The following PCDH9 variants were observed in gnomAD, a reference collection of about 807,000 sequenced individuals.
The protein encoded by PCDH9 is protocadherin 9, also known as protocadherin-9.
PCDH9 carries 24 observed loss-of-function variants against 70.6 expected under a neutral mutation model. The observed-to-expected ratio is 0.34, with a 90% CI of 0.25 to 0.48. The LOEUF is 0.48. Ranked by LOEUF, PCDH9 falls within the 20% of genes least tolerant of loss-of-function variation. The probability of loss-of-function intolerance (pLI) is 0.99; values close to 1 mark genes in which losing one functional copy is unlikely to be tolerated. For synonymous variants in PCDH9, 562 were observed against 558.5 expected (o/e 1.01, Z -0.09); for missense variants, 1,281 against 1,503.6 (o/e 0.85, Z 2.45).
At chr13:67,186,309 G>C (rs538527184) in intron 2 of PCDH9, among the ~76,000 whole-genome samples, 2 of 152,202 alleles carry the variant, frequency 1.3e-5, no homozygotes, top group South Asian at 2.1e-4. Context: ...TGAATTGATT[G>C]TTTTATGTAC....
At chr13:66,576,370 T>A (rs2076815483) in intron 4 of PCDH9, among the ~76,000 whole-genome samples, 1 of 152,060 alleles carries the variant, frequency 6.6e-6, no homozygotes, top group African/African-American at 2.4e-5. Flanking sequence ...ATGTCCATAA[T>A]CGTAGCAATG....
intron 3 of PCDH9, among the ~76,000 whole-genome samples, chr13:66,756,337 A>T (rs2079537859): frequency 6.6e-6 from 1 of 152,198 alleles, no homozygotes; most frequent in African/African-American, 2.4e-5. Flanking sequence ...TTGTAAACTG[A>T]GTTAATTTAT....
chr13:67,197,087 T>C (rs2089085210), intron 2 of PCDH9, among the ~76,000 whole-genome samples: 1 of 141,716 alleles, frequency 7.1e-6, no homozygotes, highest in Admixed American at 7.2e-5. Context: ...GGACAAAATA[T>C]AGAAAAAAAA....
chr13:66,751,001 T>G (rs1294598920), intron 3 of PCDH9, among the ~76,000 whole-genome samples: 1 of 152,182 alleles, frequency 6.6e-6, no homozygotes, highest in African/African-American at 2.4e-5. Flanking sequence ...GCCATTTTAA[T>G]TTGTATTAAA....
chr13:66,401,613 A>G (rs1426705096), intron 4 of PCDH9, among the ~76,000 whole-genome samples: 1 of 152,134 alleles, frequency 6.6e-6, no homozygotes, highest in African/African-American at 2.4e-5. Context: ...TAAAATGAAA[A>G]CTGGCCCTCA....
chr13:67,134,884 A>C, intron 2 of PCDH9, among the ~76,000 whole-genome samples: 1 of 152,130 alleles, frequency 6.6e-6, no homozygotes, highest in East Asian at 1.9e-4. Context: ...TTATTTAAAA[A>C]GATAAAGTCA....
At chr13:66,727,152 T>C (rs2079016107) in intron 3 of PCDH9, among the ~76,000 whole-genome samples, 1 of 152,010 alleles carries the variant, frequency 6.6e-6, no homozygotes, top group Admixed American at 6.6e-5. Context: ...CCTGTAGTCC[T>C]AGCTACTTGG....
intron 2 of PCDH9, among the ~76,000 whole-genome samples, chr13:66,974,864 G>A (rs1475046537): frequency 2.0e-5 from 3 of 151,982 alleles, no homozygotes; most frequent in South Asian, 2.1e-4. Flanking sequence ...CATGCAGTAC[G>A]ATATGAACTA....
chr13:66,371,965 T>G (rs1956663301), intron 4 of PCDH9, among the ~76,000 whole-genome samples: 1 of 152,050 alleles, frequency 6.6e-6, no homozygotes. Flanking sequence ...GCTTTCTCCT[T>G]GTTTTTTCTC....
intron 4 of PCDH9, among the ~76,000 whole-genome samples, chr13:66,546,942 G>A (rs1476406050): frequency 6.6e-6 from 1 of 152,156 alleles, no homozygotes; most frequent in Non-Finnish European, 1.5e-5. Flanking sequence ...ATTAGGCTAT[G>A]CCATACAGCT....
intron 4 of PCDH9, among the ~76,000 whole-genome samples, chr13:66,463,215 T>G (rs1566345263): frequency 6.6e-6 from 1 of 151,772 alleles, no homozygotes; most frequent in Non-Finnish European, 1.5e-5. Context: ...TCTGGGAGAA[T>G]TCAATGAGAT....
At chr13:67,111,294 T>C (rs1021323688) in intron 2 of PCDH9, among the ~76,000 whole-genome samples, 4 of 152,200 alleles carry the variant, frequency 2.6e-5, no homozygotes, top group Non-Finnish European at 4.4e-5. Context: ...ATATAGTCGT[T>C]ATCATTCTGA....
intron 4 of PCDH9, among the ~76,000 whole-genome samples, chr13:66,525,166 C>T (rs1297360198): frequency 6.6e-6 from 1 of 152,072 alleles, no homozygotes; most frequent in African/African-American, 2.4e-5. Context: ...TCTACAACGG[C>T]AATTTTACAA....
At chr13:66,974,642 G>A (rs1393933474) in intron 2 of PCDH9, among the ~76,000 whole-genome samples, 1 of 151,972 alleles carries the variant, frequency 6.6e-6, no homozygotes, top group African/African-American at 2.4e-5. Context: ...CAAATTGTTT[G>A]TGACCTACTC....
intron 3 of PCDH9, among the ~76,000 whole-genome samples, chr13:66,856,043 T>G (rs1004937880): frequency 6.6e-6 from 1 of 152,106 alleles, no homozygotes; most frequent in South Asian, 2.1e-4. Context: ...GAATACACTA[T>G]AGGTATAGGT....
At chr13:66,769,587 T>C (rs1273042843) in intron 3 of PCDH9, among the ~76,000 whole-genome samples, 1 of 152,126 alleles carries the variant, frequency 6.6e-6, no homozygotes, top group Non-Finnish European at 1.5e-5. Context: ...TATTAAAAGT[T>C]GACATGTAGA....
rs939206644 is a variant in PCDH9, at chr13:67,189,091, C to G, written c.3036+36314G>C. 5.3e-5 allele frequency among the ~76,000 whole-genome samples: 8 copies of G among 151,730 alleles called. No individual in the cohort carries two copies. In the East Asian group the frequency reaches 1.4e-3, roughly 26 times the overall value. On this transcript the variant is annotated intron_variant, in intron 2 of 4. Transcript: ENST00000377865. ...TCACTTAGAATAATAGTCTCCAATC[C>G]CATCCAGGTTGCTGAGAATGCCGTT...
intron 3 of PCDH9, among the ~76,000 whole-genome samples, chr13:66,697,640 C>T (rs2078582114): frequency 6.6e-6 from 1 of 152,078 alleles, no homozygotes; most frequent in Non-Finnish European, 1.5e-5. Context: ...TTAACAGCAT[C>T]CCTGGCTTCT....
chr13:66,557,812 T>C (rs1236636922), intron 4 of PCDH9, among the ~76,000 whole-genome samples: 1 of 152,086 alleles, frequency 6.6e-6, no homozygotes, highest in Non-Finnish European at 1.5e-5. Flanking sequence ...TGGGATAGGA[T>C]TGTATGCAAA....
Sources: gnomAD v4.1 joint callset for allele counts (sites outside exome capture counted in the v4.1 genomes callset) on GRCh38, gnomAD v4.1.1 for gene constraint, MANE v1.5 for transcripts, NCBI Gene and HGNC (gene_info 2026-07-23, HGNC 2026-07-21) for gene names.